Variants in SS18 observed in about 807,000 individuals in gnomAD.
SS18 encodes protein SSXT.
A neutral mutation model predicts 72.5 loss-of-function variants in SS18; 28 were observed. The observed-to-expected ratio is 0.39, with a 90% CI of 0.29 to 0.53. SS18 has a LOEUF of 0.53. Ranked by LOEUF, SS18 falls within the 20% of genes least tolerant of loss-of-function variation. The pLI, the probability that SS18 is intolerant of heterozygous loss-of-function variation, is 0.76. For missense variants in SS18, 518 were observed against 535.3 expected, an observed-to-expected ratio of 0.97 and a Z score of 0.32; for synonymous variants, 172 against 164.2, an observed-to-expected ratio of 1.05 and a Z score of -0.37.
At chr18:26,028,494 T>C (rs1474045673) in intron 10 of SS18, among the ~76,000 whole-genome samples, 2 of 152,244 alleles carry the variant, frequency 1.3e-5, no homozygotes, top group African/African-American at 4.8e-5. Context: ...CCCCAGGGAC[T>C]TGTCCATGAA....
At chr18:26,051,498 G>C (rs1220982435) in intron 5 of SS18, among the ~76,000 whole-genome samples, 1 of 152,112 alleles carries the variant, frequency 6.6e-6, no homozygotes, top group Non-Finnish European at 1.5e-5. Context: ...AGGTTTCTAA[G>C]AAGTTAAGAA....
chr18:26,020,344 T>C (rs1002650512), intron 10 of SS18, among the ~76,000 whole-genome samples: 2 of 152,102 alleles, frequency 1.3e-5, no homozygotes, highest in Admixed American at 1.3e-4. Flanking sequence ...GGAGAGGACA[T>C]GAGAAAGCGC....
Position 26,088,189 on chromosome 18 carries a change from T to G in SS18, c.70-612A>C, listed in dbSNP as rs141879667. Among the ~76,000 whole-genome samples, 1,087 of 152,358 alleles carry G rather than the reference T, an allele frequency of 7.1e-3. 15 individuals are homozygous for G. The highest frequency in any genetic ancestry group is 0.025 in the African/African-American group (1,031 of 41,574). Reference sequence around the variant, plus strand: ...AAGGGAAAATCTGAATTCTTTTATATCAAACATTTAATTACCTCTGCTATC... The same window carrying G: ...AAGGGAAAATCTGAATTCTTTTATAGCAAACATTTAATTACCTCTGCTATC... On this transcript the variant is annotated intron_variant, in intron 1 of 10. Transcript: ENST00000415083.
At chr18:26,060,844 T>C (rs1598583434) in intron 3 of SS18, among the ~76,000 whole-genome samples, 2 of 124,824 alleles carry the variant, frequency 1.6e-5, no homozygotes, top group African/African-American at 6.0e-5. Context: ...TAGTCCCTGA[T>C]ACTTGGGAGG....
At chr18:26,027,180 AT>A (rs2053459863) in intron 10 of SS18, among the ~76,000 whole-genome samples, 2 of 152,334 alleles carry the variant, frequency 1.3e-5, no homozygotes, top group East Asian at 1.9e-4. Flanking sequence ...ATACTACCTG[AT>A]TATAAAACTT....
chr18:26,078,446 T>C (rs2054456584), intron 2 of SS18: 1 of 249,558 alleles, frequency 4.0e-6, no homozygotes, highest in African/African-American at 2.3e-5. Flanking sequence ...TTTCTCCATT[T>C]TACAGATGAG....
In SS18 at chr18:26,019,792, A is replaced by C. The variant is rs1211814780; in HGVS notation, c.1231-1412T>G. Among the ~76,000 whole-genome samples the C allele has an allele frequency of 1.4e-3, 130 of 92,232 alleles. 1 individual carries two copies. The highest frequency in any genetic ancestry group is 9.8e-3 in the African/African-American group (121 of 12,300). 60.5% of individuals were successfully genotyped at this position (92,232 alleles called of 152,430 possible). ...GAGCAACAGAGCAACTCTGTCTCAA[A>C]AAAAAAAAAAAAAAAAAAAAAAAAG... On this transcript the variant is annotated intron_variant, in intron 10 of 10. Coordinates refer to ENST00000415083, the MANE Select transcript of SS18 (RefSeq NM_001007559.3).
rs755654274 is a variant in SS18, at chr18:26,038,684, T to A, written c.776-25A>T. 82 of 1,571,790 alleles carry A rather than the reference T, an allele frequency of 5.2e-5. No individual in the cohort carries two copies. In the South Asian group the frequency reaches 9.1e-4, roughly 17 times the overall value. On this transcript the variant is annotated intron_variant, in intron 6 of 10. Coordinates refer to ENST00000415083, the MANE Select transcript of SS18 (RefSeq NM_001007559.3). ...CCTGAAAAACCACAACCAGTCAAGATATAAATAATGTGTTCTCTATGTCAT... is the reference window on the plus strand; with the variant it reads ...CCTGAAAAACCACAACCAGTCAAGAAATAAATAATGTGTTCTCTATGTCAT...
intron 4 of SS18, among the ~76,000 whole-genome samples, chr18:26,055,292 C>A (rs1037853622): frequency 6.6e-6 from 1 of 151,836 alleles, no homozygotes; most frequent in African/African-American, 2.4e-5. Flanking sequence ...CATGGTGAAA[C>A]CCCATCTCTA....
chr18:26,082,238 C>G, intron 2 of SS18: 1 of 287,338 alleles, frequency 3.5e-6, no homozygotes, highest in Non-Finnish European at 5.2e-6. Context: ...GCCAGTTCAC[C>G]TCCCACAGAG....
At chr18:26,024,820 A>C (rs2053417998) in intron 10 of SS18, among the ~76,000 whole-genome samples, 1 of 152,202 alleles carries the variant, frequency 6.6e-6, no homozygotes, top group South Asian at 2.1e-4. Flanking sequence ...TCATATCCAT[A>C]ATCACACTAA....
intron 10 of SS18, among the ~76,000 whole-genome samples, chr18:26,027,508 A>C (rs908434087): frequency 6.6e-6 from 1 of 151,430 alleles, no homozygotes; most frequent in Non-Finnish European, 1.5e-5. Context: ...AAAATAAATA[A>C]ATAAATAATT....
intron 5 of SS18, among the ~76,000 whole-genome samples, chr18:26,047,908 T>C (rs942585924): frequency 1.3e-5 from 2 of 152,220 alleles, no homozygotes; most frequent in African/African-American, 4.8e-5. Flanking sequence ...AAAATGTTTT[T>C]ACATGTGAAA....
At chr18:26,059,830 A>C (rs1359392489) in intron 3 of SS18, among the ~76,000 whole-genome samples, 1 of 152,254 alleles carries the variant, frequency 6.6e-6, no homozygotes, top group Non-Finnish European at 1.5e-5. Flanking sequence ...GCTTTCTAAA[A>C]AACAAAAATA....
intron 2 of SS18, among the ~76,000 whole-genome samples, chr18:26,081,546 G>A (rs921739579): frequency 6.6e-6 from 1 of 152,098 alleles, no homozygotes; most frequent in African/African-American, 2.4e-5. Flanking sequence ...TAACAAAAAA[G>A]TAGTAAATAC....
At chr18:26,063,000 A>G (rs1210699742) in intron 3 of SS18, among the ~76,000 whole-genome samples, 1 of 152,228 alleles carries the variant, frequency 6.6e-6, no homozygotes, top group African/African-American at 2.4e-5. Context: ...AAATTTTGAC[A>G]TTACTAGTAA....
intron 10 of SS18, among the ~76,000 whole-genome samples, chr18:26,030,174 T>C (rs780416659): frequency 1.3e-5 from 2 of 152,222 alleles, no homozygotes; most frequent in Non-Finnish European, 2.9e-5. Flanking sequence ...TAATACGGCT[T>C]GTAAGAGCCT....
chr18:26,076,908 T>G (rs1047628298), intron 3 of SS18, among the ~76,000 whole-genome samples: 7 of 152,094 alleles, frequency 4.6e-5, no homozygotes, highest in Admixed American at 4.6e-4. Flanking sequence ...AGAGACCAAC[T>G]CATTCTGAAA....
In SS18 at chr18:26,040,733, T is replaced by C. The variant is rs191924787; in HGVS notation, c.608-1277A>G. ...ATCAGAGATAACTGTTTTTCTCCTA[T>C]TTGCCTTCCGTGCTTCTGTTTCTTT... On this transcript the variant is annotated intron_variant, in intron 5 of 10. Transcript: ENST00000415083. 8.1e-4 allele frequency among the ~76,000 whole-genome samples: 123 copies of C among 152,340 alleles called. 1 individual carries two copies. The highest frequency in any genetic ancestry group is 2.9e-3 in the African/African-American group (119 of 41,586).
Sources: allele counts gnomAD v4.1 joint callset (sites outside exome capture counted in the v4.1 genomes callset), GRCh38; gene constraint gnomAD v4.1.1; transcripts MANE v1.5; gene names NCBI Gene and HGNC (gene_info 2026-07-23, HGNC 2026-07-21).